Variants in CLVS1 observed in about 807,000 individuals in gnomAD.
The protein encoded by CLVS1 is clavesin 1, also known as clavesin-1.
A neutral mutation model predicts 33.1 loss-of-function variants in CLVS1; 10 were observed. The ratio of observed to expected loss-of-function variants is 0.30; its 90% CI spans 0.19 to 0.51. The LOEUF (loss-of-function observed/expected upper bound fraction) is 0.51. Among genes scored for constraint, CLVS1 ranks in the 20% least tolerant of loss-of-function variants. The probability of loss-of-function intolerance (pLI) is 0.97; values close to 1 mark genes in which losing one functional copy is unlikely to be tolerated. For synonymous variants in CLVS1, 163 were observed against 166.1 expected (o/e 0.98, Z 0.14); for missense variants, 343 against 433.4 (o/e 0.79, Z 1.85).
intron 1 of CLVS1, among the ~76,000 whole-genome samples, chr8:61,068,755 C>T (rs985265762): frequency 2.0e-5 from 3 of 152,164 alleles, no homozygotes; most frequent in African/African-American, 7.2e-5. Flanking sequence ...TTCTGGCTCT[C>T]CCAGGGTTTG....
At chr8:61,124,805 G>A (rs1430059851) in intron 1 of CLVS1, among the ~76,000 whole-genome samples, 1 of 152,186 alleles carries the variant, frequency 6.6e-6, no homozygotes, top group East Asian at 1.9e-4. Context: ...GGGTTTTGCT[G>A]TAATGGAGAG....
upstream of CLVS1, among the ~76,000 whole-genome samples, chr8:61,284,228 G>T (rs553405937): frequency 3.3e-5 from 5 of 152,160 alleles, no homozygotes; most frequent in Non-Finnish European, 7.4e-5. Flanking sequence ...GCAGGACAGA[G>T]GGAGGGTAAT....
At chr8:61,070,038 C>A (rs1475234136) in intron 1 of CLVS1, among the ~76,000 whole-genome samples, 1 of 152,152 alleles carries the variant, frequency 6.6e-6, no homozygotes, top group Non-Finnish European at 1.5e-5. Flanking sequence ...TGTGATCCAC[C>A]CGCCTCGGCC....
At chr8:61,116,980 A>G (rs1190819813) in intron 1 of CLVS1, among the ~76,000 whole-genome samples, 1 of 144,638 alleles carries the variant, frequency 6.9e-6, no homozygotes, top group East Asian at 2.0e-4. Flanking sequence ...CATTTTCACA[A>G]TATTGATTCT....
At chr8:61,194,230 A>G (rs1428538439) in intron 2 of CLVS1, among the ~76,000 whole-genome samples, 1 of 152,090 alleles carries the variant, frequency 6.6e-6, no homozygotes, top group East Asian at 1.9e-4. Flanking sequence ...AATGTAAATG[A>G]CTAGATGCTC....
At chr8:61,078,131 G>A (rs1804959093) in intron 1 of CLVS1, among the ~76,000 whole-genome samples, 1 of 152,202 alleles carries the variant, frequency 6.6e-6, no homozygotes, top group Non-Finnish European at 1.5e-5. Context: ...TGCGTGCTAG[G>A]GCTGTGTGTC....
At chr8:61,404,817 C>A (rs181908114) in intron 3 of CLVS1, among the ~76,000 whole-genome samples, 126 of 152,260 alleles carry the variant, frequency 8.3e-4, no homozygotes, top group Middle Eastern at 3.4e-3. Flanking sequence ...CCTTCAGAGA[C>A]CTGTCAGCAA....
chr8:61,207,604 C>T (rs963370909), intron 2 of CLVS1, among the ~76,000 whole-genome samples: 6 of 152,152 alleles, frequency 3.9e-5, no homozygotes, highest in Non-Finnish European at 5.9e-5. Context: ...AACATCGTAC[C>T]ACAATTTTAC....
intron 2 of CLVS1, among the ~76,000 whole-genome samples, chr8:61,147,913 C>T (rs1035052283): frequency 6.6e-6 from 1 of 152,194 alleles, no homozygotes; most frequent in African/African-American, 2.4e-5. Context: ...GGAGCATGAT[C>T]CAGGGGCCTT....
At chr8:61,310,654 G>A (rs1810799585) in intron 2 of CLVS1, among the ~76,000 whole-genome samples, 1 of 152,164 alleles carries the variant, frequency 6.6e-6, no homozygotes, top group Non-Finnish European at 1.5e-5. Flanking sequence ...CGAACCAAAT[G>A]TTCAAAATCC....
chr8:60,994,352 A>G, the CLVS1 span, among the ~76,000 whole-genome samples: 4 of 152,208 alleles, frequency 2.6e-5, no homozygotes, highest in African/African-American at 4.8e-5. Flanking sequence ...TAGGACTTCA[A>G]TATATAAATT....
At chr8:61,027,199 G>T in the CLVS1 span, among the ~76,000 whole-genome samples, 1 of 152,150 alleles carries the variant, frequency 6.6e-6, no homozygotes. Flanking sequence ...CATCCCCCAA[G>T]AGTGAGACAA....
At chr8:61,293,008 C>T (rs531000841) in intron 1 of CLVS1, among the ~76,000 whole-genome samples, 123 of 152,270 alleles carry the variant, frequency 8.1e-4, no homozygotes, top group African/African-American at 2.9e-3. Context: ...TGATGGAGCT[C>T]ATTCCAATCT....
At chr8:61,409,802 A>G (rs1442545637) in intron 3 of CLVS1, among the ~76,000 whole-genome samples, 1 of 152,022 alleles carries the variant, frequency 6.6e-6, no homozygotes, top group Non-Finnish European at 1.5e-5. Context: ...GTTTCCTTAC[A>G]CTCTTAGATT....
At chr8:61,046,865 C>T in the CLVS1 span, among the ~76,000 whole-genome samples, 1 of 152,006 alleles carries the variant, frequency 6.6e-6, no homozygotes, top group Non-Finnish European at 1.5e-5. Context: ...GCTGAAGTTG[C>T]TTATCAGCTT....
At chr8:61,387,014 A>G (rs1378247375) in intron 3 of CLVS1, among the ~76,000 whole-genome samples, 2 of 152,216 alleles carry the variant, frequency 1.3e-5, no homozygotes, top group Non-Finnish European at 2.9e-5. Flanking sequence ...GTGTTCCACC[A>G]TGGGAGAAAG....
chr8:61,410,510 T>C (rs915257048), intron 3 of CLVS1, among the ~76,000 whole-genome samples: 2 of 152,196 alleles, frequency 1.3e-5, no homozygotes, highest in African/African-American at 2.4e-5. Flanking sequence ...CCAAAGCCCA[T>C]TGTGCAATTT....
At chr8:61,338,964 C>CTG (rs10608173) in intron 2 of CLVS1, among the ~76,000 whole-genome samples, 35,463 of 148,470 alleles carry the variant, frequency 0.24, 6,331 homozygotes, top group African/African-American at 0.51. Flanking sequence ...AAAGGGAACA[C>CTG]TGTGTGTGTG....
intron 5 of CLVS1, among the ~76,000 whole-genome samples, chr8:61,482,552 G>A (rs560804653): frequency 9.2e-5 from 14 of 152,302 alleles, no homozygotes; most frequent in South Asian, 8.3e-4. Flanking sequence ...AGAACTACAC[G>A]ACACATGCAC....
Sources: gnomAD v4.1 joint callset for allele counts (sites outside exome capture counted in the v4.1 genomes callset) on GRCh38, gnomAD v4.1.1 for gene constraint, MANE v1.5 for transcripts, NCBI Gene and HGNC (gene_info 2026-07-23, HGNC 2026-07-21) for gene names.